GNAT3: variants seen among roughly 807,000 people sequenced by gnomAD.
GNAT3 encodes guanine nucleotide-binding protein G(t) subunit alpha-3.
In GNAT3, 31 loss-of-function variants were observed where a neutral mutation model predicts 37.7. That is an observed-to-expected ratio of 0.82 (90% CI 0.62 to 1.11). The LOEUF is 1.11. Among genes scored for constraint, GNAT3 ranks in the 50% most tolerant of loss-of-function variants. The pLI is 0.00. For synonymous variants in GNAT3, 138 were observed against 139.8 expected (o/e 0.99, Z 0.09); for missense variants, 437 against 412.5 (o/e 1.06, Z -0.51).
At chr7:80,482,830 C>A (rs1303505666) in intron 3 of GNAT3, among the ~76,000 whole-genome samples, 1 of 151,480 alleles carries the variant, frequency 6.6e-6, no homozygotes, top group Non-Finnish European at 1.5e-5. Context: ...CATACCTGTC[C>A]TTCCTTTTTA....
At chr7:80,485,193 CCTAGACT>C (rs1350297720) in intron 3 of GNAT3, among the ~76,000 whole-genome samples, 1 of 151,440 alleles carries the variant, frequency 6.6e-6, no homozygotes, top group Non-Finnish European at 1.5e-5. Flanking sequence ...AACACTCTTC[CCTAGACT>C]CTGTTATCCC....
Position 80,489,479 on chromosome 7 carries a change from T to C in GNAT3, c.162-803A>G, listed in dbSNP as rs1393946548. Among the ~76,000 whole-genome samples the C allele has an allele frequency of 2.0e-5, 3 of 152,150 alleles. No individual in the cohort carries two copies. In the East Asian group the frequency reaches 5.8e-4, roughly 29 times the overall value. Reference sequence around the variant, plus strand: ...TCATTAGGCATCTTTTTGGATGTCATATTACTAAAGATTTATATTGTGTCT... The same window carrying C: ...TCATTAGGCATCTTTTTGGATGTCACATTACTAAAGATTTATATTGTGTCT... On this transcript the variant is annotated intron_variant, in intron 2 of 7. Transcript: ENST00000398291.
chr7:80,492,177 A>C (rs1173365766), intron 2 of GNAT3, among the ~76,000 whole-genome samples: 1 of 5,422 alleles, frequency 1.8e-4, no homozygotes, highest in Non-Finnish European at 6.4e-4. Flanking sequence ...TAAAAATACC[A>C]AAAAAAAAAA....
chr7:80,509,575 C>T (rs1339191791), intron 1 of GNAT3, among the ~76,000 whole-genome samples: 2 of 152,076 alleles, frequency 1.3e-5, no homozygotes, highest in Non-Finnish European at 2.9e-5. Context: ...ATCTAACCAA[C>T]ACTTAAGTCT....
chr7:80,470,562 A>T (rs971774169), intron 5 of GNAT3, among the ~76,000 whole-genome samples: 1 of 152,174 alleles, frequency 6.6e-6, no homozygotes, highest in Non-Finnish European at 1.5e-5. Flanking sequence ...TGGGCTTCAC[A>T]ATCCAATTCA....
intron 1 of GNAT3, among the ~76,000 whole-genome samples, chr7:80,500,568 G>A (rs1164389938): frequency 6.6e-6 from 1 of 151,974 alleles, no homozygotes; most frequent in Non-Finnish European, 1.5e-5. Context: ...GGTCTATTCT[G>A]TTAACAGGAA....
At chr7:80,477,980 T>C (rs542521519) in intron 4 of GNAT3, among the ~76,000 whole-genome samples, 8 of 152,336 alleles carry the variant, frequency 5.3e-5, no homozygotes, top group African/African-American at 1.9e-4. Context: ...GTGCAGTCTC[T>C]GCCTACTGCA....
intron 5 of GNAT3, among the ~76,000 whole-genome samples, chr7:80,465,783 G>C (rs1386863848): frequency 1.3e-5 from 2 of 152,000 alleles, no homozygotes; most frequent in South Asian, 2.1e-4. Flanking sequence ...CTTCTGGGAG[G>C]TTTCGTTCTT....
chr7:80,476,856 A>AG (rs955050715), intron 4 of GNAT3, among the ~76,000 whole-genome samples: 40 of 151,950 alleles, frequency 2.6e-4, no homozygotes, highest in African/African-American at 9.7e-4. Flanking sequence ...ACCTAAGAGC[A>AG]GAAAAAAAAA....
At chr7:80,472,904 C>G (rs1249557569) in intron 5 of GNAT3, among the ~76,000 whole-genome samples, 1 of 152,112 alleles carries the variant, frequency 6.6e-6, no homozygotes. Context: ...TCTGGGCAGC[C>G]TCAAGGCCCA....
intron 1 of GNAT3, among the ~76,000 whole-genome samples, chr7:80,504,543 G>T (rs1790897290): frequency 6.6e-6 from 1 of 152,156 alleles, no homozygotes; most frequent in Non-Finnish European, 1.5e-5. Flanking sequence ...GAATTCAAGG[G>T]TGTGTTGAAG....
chr7:80,478,915 C>A lies in GNAT3; in HGVS notation c.387G>T (p.Arg129=). The change falls in exon 4 of 8, where the codon CGG becomes CGT. Residue 129 remains arginine, a synonymous_variant. Coordinates refer to ENST00000398291, the MANE Select transcript of GNAT3 (RefSeq NM_001102386.3). Reference sequence around the variant, plus strand: ...CCTGAATTCCTGGATCTCTCCACAGCCGTTTTATTACCTCAGCCAGTTGAG... The same window carrying A: ...CCTGAATTCCTGGATCTCTCCACAGACGTTTTATTACCTCAGCCAGTTGAG... ...MTPQLAEVIK[R]LWRDPGIQAC... 6.2e-7 allele frequency: 1 copy of A among 1,613,312 alleles called. No homozygotes were observed.
chr7:80,476,165 G>A (rs981929088), intron 4 of GNAT3, among the ~76,000 whole-genome samples: 2 of 151,676 alleles, frequency 1.3e-5, no homozygotes, highest in African/African-American at 4.8e-5. Context: ...ACCTTGGTAA[G>A]GACACATTTA....
chr7:80,488,617 T>G lies in GNAT3; in HGVS notation c.221A>C (p.Tyr74Ser), dbSNP rs756575164. Residue 74 changes from tyrosine (Y) to serine (S), a missense_variant, in exon 3 of 8, where the codon TAC becomes TCC. By Grantham distance (144) the Tyr-to-Ser change is moderately radical. Transcript: ENST00000398291. ...QECMEFKAVI[Y>S]SNTLQSILAI... ...TAGGATGGATTGCAATGTATTACTG[T>G]AAATTACTGCTTTGAACTCCATGCA... 5.0e-5 allele frequency: 80 copies of G among 1,592,200 alleles called. No homozygotes were observed. The highest frequency in any genetic ancestry group is 6.5e-5 in the Non-Finnish European group (76 of 1,166,740).
chr7:80,492,365 A>C (rs975132151), intron 2 of GNAT3, among the ~76,000 whole-genome samples: 1 of 149,970 alleles, frequency 6.7e-6, no homozygotes. Flanking sequence ...TTAAATAAAT[A>C]AATAAAATAA....
chr7:80,490,728 C>T (rs1790575789), intron 2 of GNAT3, among the ~76,000 whole-genome samples: 1 of 152,132 alleles, frequency 6.6e-6, no homozygotes, highest in South Asian at 2.1e-4. Flanking sequence ...TTATGATCTA[C>T]ATTTTATAAG....
rs1464134120 is a variant in GNAT3, at chr7:80,478,887, A to G, written c.415T>C (p.Cys139Arg). ...TGATATTCAGATGCCCTTTCAAAGCAGGCCTGAATTCCTGGATCTCTCCAC... is the reference window on the plus strand; with the variant it reads ...TGATATTCAGATGCCCTTTCAAAGCGGGCCTGAATTCCTGGATCTCTCCAC... ...RLWRDPGIQA[C>R]FERASEYQLN... The change falls in exon 4 of 8, where the codon TGC becomes CGC. Residue 139 changes from cysteine to arginine, a missense_variant. By Grantham distance (180) the Cys-to-Arg change is radical. Transcript: ENST00000398291. 2 of 1,613,432 alleles carry G rather than the reference A, an allele frequency of 1.2e-6. No homozygotes were observed. Among genetic ancestry groups the G allele is most frequent in the Non-Finnish European group, 1.7e-6 (2 of 1,179,560 alleles).
At chr7:80,465,381 C>A (rs551519785) in intron 5 of GNAT3, among the ~76,000 whole-genome samples, 19 of 152,172 alleles carry the variant, frequency 1.2e-4, no homozygotes, top group East Asian at 3.9e-4. Flanking sequence ...GGTATATAAG[C>A]ACCTTACAGC....
At chr7:80,509,871 CTTGTG>C (rs1791030494) in intron 1 of GNAT3, among the ~76,000 whole-genome samples, 1 of 152,112 alleles carries the variant, frequency 6.6e-6, no homozygotes, top group African/African-American at 2.4e-5. Flanking sequence ...ACATTCCATG[CTTGTG>C]TTGTGTCCAA....
Sources: gnomAD v4.1 joint callset for allele counts (sites outside exome capture counted in the v4.1 genomes callset) on GRCh38, gnomAD v4.1.1 for gene constraint, MANE v1.5 for transcripts, NCBI Gene and HGNC (gene_info 2026-07-23, HGNC 2026-07-21) for gene names.